The following TRAPPC9 variants were observed in gnomAD, a reference collection of about 807,000 sequenced individuals.
TRAPPC9 encodes trafficking protein particle complex subunit 9.
In TRAPPC9, 83 loss-of-function variants were observed where a neutral mutation model predicts 124.0. The observed-to-expected ratio is 0.67, with a 90% CI of 0.56 to 0.80. The LOEUF (loss-of-function observed/expected upper bound fraction) is 0.80. TRAPPC9 is among the 30% of genes least tolerant of loss of function. The pLI is 0.00. For missense variants in TRAPPC9, 1,302 were observed against 1,508.3 expected (o/e 0.86, Z 2.27); for synonymous variants, 638 against 617.5 (o/e 1.03, Z -0.49).
At chr8:140,076,862 T>C (rs773562068) in intron 17 of TRAPPC9, among the ~76,000 whole-genome samples, 3 of 152,192 alleles carry the variant, frequency 2.0e-5, no homozygotes, top group Non-Finnish European at 4.4e-5. Flanking sequence ...ATATAATGTA[T>C]AGAAAACATA....
At chr8:139,997,807 T>TACACAGGGAGACAATGCATCCC (rs1838127150) in intron 18 of TRAPPC9, among the ~76,000 whole-genome samples, 1 of 132,794 alleles carries the variant, frequency 7.5e-6, no homozygotes, top group African/African-American at 3.0e-5. Flanking sequence ...CAATGCATCC[T>TACACAGGGAGACAATGCATCCC]ACACAGGGAG....
chr8:139,984,204 A>G lies in TRAPPC9; in HGVS notation c.2810+4522T>C, dbSNP rs990009828. Among the ~76,000 whole-genome samples, 1 of 152,210 alleles carries G rather than the reference A, an allele frequency of 6.6e-6. No homozygotes were observed. The highest frequency in any genetic ancestry group is 1.5e-5 in the Non-Finnish European group (1 of 68,040). On this transcript the variant is annotated intron_variant, in intron 19 of 22. Coordinates refer to ENST00000438773, the MANE Select transcript of TRAPPC9 (RefSeq NM_001160372.4). This position sits in a 1 kb window ranked among gnomAD's most constrained non-coding sequence, Gnocchi z 4.3. ...TTCTGCAAACGGCAGCATCCAAGCC[A>G]TGTTAATTCCAGGAATCTGGCTCTT...
At chr8:140,458,411 G>C, upstream of TRAPPC9, 1 of 1,594,718 alleles carries the variant, frequency 6.3e-7, no homozygotes, top group Non-Finnish European at 8.5e-7. Flanking sequence ...TGACTCCCAC[G>C]GTCGTGCCCC....
At chr8:139,806,439 T>G (rs1040683286) in intron 21 of TRAPPC9, among the ~76,000 whole-genome samples, 2 of 152,194 alleles carry the variant, frequency 1.3e-5, no homozygotes, top group African/African-American at 4.8e-5. Context: ...CACCTGGATG[T>G]TTCCACTCGG....
chr8:139,963,913 T>C (rs561362178), intron 19 of TRAPPC9, among the ~76,000 whole-genome samples: 87 of 152,292 alleles, frequency 5.7e-4, no homozygotes, highest in African/African-American at 1.9e-3. Context: ...AATTGACTTA[T>C]GCAACTATAA....
At chr8:140,344,013 G>T (rs2067265942) in intron 9 of TRAPPC9, among the ~76,000 whole-genome samples, 1 of 152,080 alleles carries the variant, frequency 6.6e-6, no homozygotes, top group Non-Finnish European at 1.5e-5. Context: ...CCCTGTTATG[G>T]TCTGAACGTC....
At chr8:140,173,086 G>A (rs2061996754) in intron 17 of TRAPPC9, among the ~76,000 whole-genome samples, 1 of 152,174 alleles carries the variant, frequency 6.6e-6, no homozygotes, top group Non-Finnish European at 1.5e-5. Flanking sequence ...TGCTACTGCT[G>A]TTCCATAGGG....
chr8:140,369,459 A>C (rs565860979), intron 8 of TRAPPC9, among the ~76,000 whole-genome samples: 1 of 152,226 alleles, frequency 6.6e-6, no homozygotes, highest in South Asian at 2.1e-4. Context: ...TGTTGAATCA[A>C]TGTACAAAAA....
At chr8:140,152,235 TAAAAAAAAA>T (rs71320343) in intron 17 of TRAPPC9, among the ~76,000 whole-genome samples, 4 of 106,696 alleles carry the variant, frequency 3.7e-5, no homozygotes, top group Admixed American at 1.0e-4. Context: ...ACTTAAGCTT[TAAAAAAAAA>T]AAAAAAAAAA....
chr8:139,960,050 A>G (rs1835278265), intron 19 of TRAPPC9, among the ~76,000 whole-genome samples: 1 of 152,236 alleles, frequency 6.6e-6, no homozygotes, highest in Admixed American at 6.5e-5. Flanking sequence ...CAGCTCATGT[A>G]TTAGTCACGA....
rs1455736424 is a variant in TRAPPC9, at chr8:140,425,756, T to G, written c.886+859A>C. ...CGGGGCTTTCAGCTCTTCAGTGGCA[T>G]AAAGTCTGCCCGCCTGACTGTCCCC... On this transcript the variant is annotated intron_variant, in intron 5 of 22. Coordinates refer to ENST00000438773, the MANE Select transcript of TRAPPC9 (RefSeq NM_001160372.4). Among the ~76,000 whole-genome samples, 5 of 152,190 alleles carry G rather than the reference T, an allele frequency of 3.3e-5. No homozygotes were observed. The East Asian group carries it at 9.6e-4, about 29-fold the overall frequency.
chr8:139,782,382 G>C (rs1310126666), intron 21 of TRAPPC9, among the ~76,000 whole-genome samples: 1 of 152,100 alleles, frequency 6.6e-6, no homozygotes, highest in Non-Finnish European at 1.5e-5. Context: ...TCCCAGAAAA[G>C]GGGGGAAAAA....
At chr8:139,800,933 C>T (rs563784646) in intron 21 of TRAPPC9, among the ~76,000 whole-genome samples, 21 of 151,180 alleles carry the variant, frequency 1.4e-4, no homozygotes, top group Non-Finnish European at 2.5e-4. Context: ...TCCCTCCCTC[C>T]GGCACCTTCC....
chr8:139,745,029 G>A (rs1818797212), intron 21 of TRAPPC9, among the ~76,000 whole-genome samples: 1 of 152,194 alleles, frequency 6.6e-6, no homozygotes, highest in Non-Finnish European at 1.5e-5. Flanking sequence ...GAGCTCCGGA[G>A]AGGAGAAGGA....
At chr8:139,814,171 C>A (rs931851485) in intron 21 of TRAPPC9, among the ~76,000 whole-genome samples, 1 of 152,208 alleles carries the variant, frequency 6.6e-6, no homozygotes, top group Admixed American at 6.5e-5. Flanking sequence ...CCCTGTGCTC[C>A]GCGAGGCAGG....
At chr8:139,771,903 C>T (rs190983752) in intron 21 of TRAPPC9, among the ~76,000 whole-genome samples, 10 of 152,300 alleles carry the variant, frequency 6.6e-5, no homozygotes, top group East Asian at 1.9e-4. Context: ...CCTGGCTTGC[C>T]GAGAGAGGGA....
At chr8:139,902,682 CAGGA>C (rs750646409) in intron 20 of TRAPPC9, among the ~76,000 whole-genome samples, 1 of 152,058 alleles carries the variant, frequency 6.6e-6, no homozygotes, top group Non-Finnish European at 1.5e-5. Flanking sequence ...TAATTTTTTT[CAGGA>C]GATAAGACAG....
chr8:140,062,770 G>A (rs1842698687), intron 17 of TRAPPC9, among the ~76,000 whole-genome samples: 1 of 152,070 alleles, frequency 6.6e-6, no homozygotes, highest in Non-Finnish European at 1.5e-5. Flanking sequence ...GCACATGGTG[G>A]CACTCAGAAA....
chr8:140,216,506 C>T lies in TRAPPC9; in HGVS notation c.2556+4953G>A, dbSNP rs1232676039. On this transcript the variant is annotated intron_variant, in intron 17 of 22. Transcript: ENST00000438773. This position sits in a 1 kb window ranked among gnomAD's most constrained non-coding sequence, Gnocchi z 4.1. ...AATCCTCTTCTTGTCTAACAGAGTA[C>T]CTCAAATGTGAGAGATGCCCCCCAA... Among the ~76,000 whole-genome samples the T allele has an allele frequency of 6.6e-6, 1 of 152,180 alleles. No homozygotes were observed. Among genetic ancestry groups the T allele is most frequent in the Admixed American group, 6.5e-5 (1 of 15,288 alleles).
Sources: allele counts gnomAD v4.1 joint callset (sites outside exome capture counted in the v4.1 genomes callset), GRCh38; gene constraint gnomAD v4.1.1; non-coding constraint Gnocchi (gnomAD v3.1); transcripts MANE v1.5; gene names NCBI Gene and HGNC (gene_info 2026-07-23, HGNC 2026-07-21).